Variants in ZNF33B observed in about 807,000 individuals in gnomAD.
The protein encoded by ZNF33B is zinc finger protein 33B.
A neutral mutation model predicts 45.8 loss-of-function variants in ZNF33B; 29 were observed. That is an observed-to-expected ratio of 0.63 (90% CI 0.47 to 0.86). The LOEUF (loss-of-function observed/expected upper bound fraction) is 0.86, where lower values mean the gene tolerates loss of function less well. ZNF33B is among the 40% of genes least tolerant of loss of function. The pLI, the probability that ZNF33B is intolerant of heterozygous loss-of-function variation, is 0.00. For synonymous variants in ZNF33B, 305 were observed against 307.8 expected, an observed-to-expected ratio of 0.99 and a Z score of 0.10; for missense variants, 831 against 909.9, an observed-to-expected ratio of 0.91 and a Z score of 1.12.
chr10:42,638,056 C>T (rs114076300), intron 1 of ZNF33B, among the ~76,000 whole-genome samples: 5 of 152,210 alleles, frequency 3.3e-5, no homozygotes, highest in South Asian at 2.1e-4. Context: ...GAGGGCAGTT[C>T]GAAACCTAAA....
At chr10:42,614,227 G>A (rs1244524956) in intron 4 of ZNF33B, 1 of 154,838 alleles carries the variant, frequency 6.5e-6, no homozygotes, top group Non-Finnish European at 1.5e-5. Flanking sequence ...TATAATTCCA[G>A]TCTTATCTTG....
intron 4 of ZNF33B, among the ~76,000 whole-genome samples, chr10:42,607,218 A>T (rs1207936987): frequency 6.6e-6 from 1 of 152,184 alleles, no homozygotes; most frequent in Non-Finnish European, 1.5e-5. Flanking sequence ...GATTTTGATA[A>T]GGTAAGATTT....
At chr10:42,614,104 G>C (rs1287330372) in intron 4 of ZNF33B, among the ~76,000 whole-genome samples, 2 of 152,194 alleles carry the variant, frequency 1.3e-5, no homozygotes, top group African/African-American at 4.8e-5. Context: ...CTGTATGTTT[G>C]CCAAGACATT....
chr10:42,621,804 CCCACTTTTG>C (rs149193466), intron 4 of ZNF33B, among the ~76,000 whole-genome samples: 3,467 of 152,204 alleles, frequency 0.023, 91 homozygotes, highest in Admixed American at 0.093. Flanking sequence ...GACAAAAATA[CCCACTTTTG>C]CCAGTGCTAT....
At chr10:42,625,473 TTTC>T (rs1266589453) in intron 4 of ZNF33B, among the ~76,000 whole-genome samples, 1 of 151,550 alleles carries the variant, frequency 6.6e-6, no homozygotes, top group African/African-American at 2.4e-5. Context: ...TTCATTTTGT[TTTC>T]TTTTCTTTTT....
At position 42,592,538 on chromosome 10, in the gene ZNF33B, G is replaced by T; in HGVS notation, c.*75C>A. ...TTATTGAACATTCAGGATGTCAACA[G>T]GCCCTTCTCCACAGTGTGAAGACTC... On this transcript the variant is annotated 3_prime_UTR_variant, in exon 5 of 5. Transcript: ENST00000359467. 7.9e-6 allele frequency: 12 copies of T among 1,520,594 alleles called. No homozygotes were observed. Among genetic ancestry groups the T allele is most frequent in the Non-Finnish European group, 1.1e-5 (12 of 1,130,034 alleles). The allele number at this position is 1,520,594 out of a possible 1,614,324, so 94.2% of individuals were successfully genotyped here.
At chr10:42,581,267 G>A (rs1836818956) in intron 1 of ZNF33B, among the ~76,000 whole-genome samples, 1 of 151,970 alleles carries the variant, frequency 6.6e-6, no homozygotes, top group Admixed American at 6.6e-5. Context: ...AGGAGTTCGA[G>A]ACCAGCCTGG....
chr10:42,630,732 A>G (rs1196791768), intron 4 of ZNF33B, among the ~76,000 whole-genome samples: 1 of 152,218 alleles, frequency 6.6e-6, no homozygotes, highest in Non-Finnish European at 1.5e-5. Flanking sequence ...GCCCTGCCCA[A>G]TATTTTCTCT....
At chr10:42,579,317 A>G (rs1250210993) in intron 1 of ZNF33B, among the ~76,000 whole-genome samples, 1 of 152,148 alleles carries the variant, frequency 6.6e-6, no homozygotes, top group Non-Finnish European at 1.5e-5. Context: ...TCATGTAGTG[A>G]GCATAGAGCG....
At chr10:42,606,928 T>C (rs1837885842) in intron 4 of ZNF33B, among the ~76,000 whole-genome samples, 1 of 152,192 alleles carries the variant, frequency 6.6e-6, no homozygotes, top group African/African-American at 2.4e-5. Flanking sequence ...ATTTACATTA[T>C]ACTTACTGGT....
At chr10:42,631,228 C>CA (rs1197100088) in intron 4 of ZNF33B, among the ~76,000 whole-genome samples, 3 of 151,730 alleles carry the variant, frequency 2.0e-5, no homozygotes, top group African/African-American at 7.3e-5. Flanking sequence ...ATTTTTGAGA[C>CA]AGAGTCTCGC....
At chr10:42,621,335 A>C (rs1838575945) in intron 4 of ZNF33B, among the ~76,000 whole-genome samples, 1 of 152,112 alleles carries the variant, frequency 6.6e-6, no homozygotes, top group Non-Finnish European at 1.5e-5. Flanking sequence ...CTTTTAAAAA[A>C]AAAATACAAA....
intron 2 of ZNF33B, among the ~76,000 whole-genome samples, chr10:42,632,654 C>T (rs1456356506): frequency 6.6e-6 from 1 of 152,162 alleles, no homozygotes; most frequent in Non-Finnish European, 1.5e-5. Flanking sequence ...CTCCTGGCAA[C>T]ACTAAGATTA....
At chr10:42,621,102 A>G (rs1838559939) in intron 4 of ZNF33B, among the ~76,000 whole-genome samples, 1 of 151,286 alleles carries the variant, frequency 6.6e-6, no homozygotes, top group African/African-American at 2.4e-5. Context: ...AAGGTGGATC[A>G]CTTGATGCCA....
intron 1 of ZNF33B, among the ~76,000 whole-genome samples, chr10:42,638,113 G>T (rs1260636130): frequency 6.6e-6 from 1 of 152,236 alleles, no homozygotes; most frequent in Non-Finnish European, 1.5e-5. Flanking sequence ...TCGGGCGGGC[G>T]ACTGCACCCG....
intron 4 of ZNF33B, among the ~76,000 whole-genome samples, chr10:42,617,553 T>C (rs1201664071): frequency 1.3e-5 from 2 of 152,198 alleles, no homozygotes; most frequent in Admixed American, 6.5e-5. Flanking sequence ...ATCAATCTTA[T>C]TCAGATTTCA....
At chr10:42,614,670 A>G (rs958189657) in intron 4 of ZNF33B, among the ~76,000 whole-genome samples, 12 of 152,122 alleles carry the variant, frequency 7.9e-5, no homozygotes, top group African/African-American at 2.9e-4. Context: ...GATGTTCAAC[A>G]TCAGTCCGGG....
intron 4 of ZNF33B, among the ~76,000 whole-genome samples, chr10:42,630,421 T>C (rs1164921166): frequency 2.6e-5 from 4 of 152,208 alleles, no homozygotes; most frequent in East Asian, 1.9e-4. Context: ...AATTTAATTA[T>C]AGTGTGAGTT....
chr10:42,612,890 A>C lies in ZNF33B; in HGVS notation c.251-18191T>G, dbSNP rs117408130. 2.1e-3 allele frequency among the ~76,000 whole-genome samples: 318 copies of C among 152,180 alleles called. 9 individuals carry two copies. The East Asian group carries it at 0.052, about 25-fold the overall frequency. On this transcript the variant is annotated intron_variant, in intron 4 of 4. Coordinates refer to ENST00000359467, the MANE Select transcript of ZNF33B (RefSeq NM_006955.3). ...TTTATGGATTCAATTTATTTAACTG[A>C]TATTGGTCCATTTGAATGGTTTATT... is the stretch of plus-strand genomic sequence containing the variant.
Sources: gnomAD v4.1 joint callset for allele counts (sites outside exome capture counted in the v4.1 genomes callset) on GRCh38, gnomAD v4.1.1 for gene constraint, MANE v1.5 for transcripts, NCBI Gene and HGNC (gene_info 2026-07-23, HGNC 2026-07-21) for gene names.